The following LPAR5 variants were observed in gnomAD, a reference collection of about 807,000 sequenced individuals.
LPAR5 encodes the protein G protein-coupled receptor 92.
For synonymous variants in LPAR5, 271 were observed against 261.6 expected, an observed-to-expected ratio of 1.04 and a Z score of -0.35; for missense variants, 544 against 521.8, an observed-to-expected ratio of 1.04 and a Z score of -0.41.
At chr12:6,628,046 G>C in intron 1 of LPAR5, among the ~76,000 whole-genome samples, 1 of 26,222 alleles carries the variant, frequency 3.8e-5, no homozygotes. Context: ...TTTTGAGACA[G>C]AGTCTTGCTC....
chr12:6,635,322 A>G (rs866077630), intron 1 of LPAR5, among the ~76,000 whole-genome samples: 1 of 152,176 alleles, frequency 6.6e-6, no homozygotes, highest in Non-Finnish European at 1.5e-5. Context: ...CCATAGGGAC[A>G]TCAAAGACCA....
chr12:6,627,275 GAGTGAGACTC>G (rs967783646), intron 1 of LPAR5, among the ~76,000 whole-genome samples: 32 of 151,426 alleles, frequency 2.1e-4, no homozygotes, highest in African/African-American at 7.3e-4. Context: ...TTGGGCAACA[GAGTGAGACTC>G]CGTCTAAATA....
chr12:6,624,009 G>T (rs1948914438), intron 1 of LPAR5, among the ~76,000 whole-genome samples: 1 of 152,130 alleles, frequency 6.6e-6, no homozygotes, highest in Admixed American at 6.5e-5. Flanking sequence ...CAACATCCCA[G>T]CCTTACGCAT....
intron 1 of LPAR5, among the ~76,000 whole-genome samples, chr12:6,622,599 AAATT>A (rs1193489248): frequency 4.0e-5 from 6 of 149,854 alleles, no homozygotes; most frequent in Non-Finnish European, 8.9e-5. Flanking sequence ...AAAAAAAAAA[AAATT>A]AGCCGGGCGT....
intron 1 of LPAR5, among the ~76,000 whole-genome samples, chr12:6,630,092 C>T (rs539297512): frequency 9.9e-5 from 15 of 152,056 alleles, no homozygotes; most frequent in South Asian, 2.1e-4. Flanking sequence ...TGGCGATGCT[C>T]TCTTGTTACT....
At chr12:6,627,591 CA>C (rs1200047589) in intron 1 of LPAR5, among the ~76,000 whole-genome samples, 1 of 152,100 alleles carries the variant, frequency 6.6e-6, no homozygotes, top group African/African-American at 2.4e-5. Context: ...AACTCCATCT[CA>C]AAAAAATAAA....
Position 6,619,494 on chromosome 12 carries a change from A to T in LPAR5, c.*636T>A. The stretch of plus-strand genomic sequence containing the variant: ...TAACCTAAAAAGGGTTTGGACTTGG[A>T]TGTTGTTGAGGGGGAAACTCTAAGT... On this transcript the variant is annotated 3_prime_UTR_variant, in exon 2 of 2. Coordinates refer to ENST00000329858, the MANE Select transcript of LPAR5 (RefSeq NM_020400.6). 6.2e-6 allele frequency: 1 copy of T among 160,506 alleles called. No homozygotes were observed. Among genetic ancestry groups the T allele is most frequent in the Non-Finnish European group, 1.4e-5 (1 of 72,690 alleles). The allele number at this position is 160,506 out of a possible 1,614,324, so 9.9% of individuals were successfully genotyped here.
intron 1 of LPAR5, among the ~76,000 whole-genome samples, chr12:6,626,914 T>C (rs1163830810): frequency 6.6e-6 from 1 of 152,322 alleles, no homozygotes; most frequent in South Asian, 2.1e-4. Flanking sequence ...CCCCTCCCAT[T>C]AGACTGTGAA....
chr12:6,631,258 CAT>C (rs1448150977), intron 1 of LPAR5, among the ~76,000 whole-genome samples: 2 of 152,186 alleles, frequency 1.3e-5, no homozygotes, highest in Non-Finnish European at 2.9e-5. Flanking sequence ...CCCCTAGTAA[CAT>C]AGAACTCAGT....
In LPAR5 at chr12:6,619,757, C is replaced by G. The variant is rs1948870848; in HGVS notation, c.*373G>C. The stretch of plus-strand genomic sequence containing the variant: ...ACCAAACCTGGTGCTCTTCAGCTCT[C>G]AGGCCCCTGTGGCGGTTTAGATCCA... On this transcript the variant is annotated 3_prime_UTR_variant, in exon 2 of 2. Transcript: ENST00000329858. 2 of 386,116 alleles carry G rather than the reference C, an allele frequency of 5.2e-6. No individual in the cohort carries two copies. Among genetic ancestry groups the G allele is most frequent in the Non-Finnish European group, 1.0e-5 (2 of 199,164 alleles). The allele number at this position is 386,116 out of a possible 1,614,324, so 23.9% of individuals were successfully genotyped here. A position where few individuals can be genotyped will look rare whatever the true frequency, so the allele number is the denominator to read the frequency against.
intron 1 of LPAR5, among the ~76,000 whole-genome samples, chr12:6,625,577 G>C (rs867182844): frequency 1.3e-5 from 2 of 150,942 alleles, no homozygotes; most frequent in African/African-American, 4.9e-5. Context: ...AAAAAATTTA[G>C]CTGAGCGTGG....
At chr12:6,624,747 A>G (rs1382505353) in intron 1 of LPAR5, among the ~76,000 whole-genome samples, 1 of 152,060 alleles carries the variant, frequency 6.6e-6, no homozygotes, top group Non-Finnish European at 1.5e-5. Flanking sequence ...CAGCCTCCCA[A>G]GTAGCTGGGA....
Position 6,620,307 on chromosome 12 carries a change from C to T in LPAR5, c.942G>A (p.Pro314=). 1 of 1,606,586 alleles carries T rather than the reference C, an allele frequency of 6.2e-7. No individual in the cohort carries two copies. Among genetic ancestry groups the T allele is most frequent in the Non-Finnish European group, 8.5e-7 (1 of 1,176,644 alleles). The change falls in exon 2 of 2, where the codon CCG becomes CCA. Residue 314 remains proline (P), a synonymous_variant. Coordinates refer to ENST00000329858, the MANE Select transcript of LPAR5 (RefSeq NM_020400.6). This position sits in a 1 kb window ranked among gnomAD's most constrained non-coding sequence, Gnocchi z 6.8. The part of the protein sequence containing the change: ...FRNTLRGLGT[P]HRARTSATNG... ...TGGTGGCCGAGGTCCTGGCCCGGTG[C>T]GGAGTGCCCAGGCCGCGCAGGGTGT...
chr12:6,633,902 T>A (rs1258029427), intron 1 of LPAR5, among the ~76,000 whole-genome samples: 1 of 152,184 alleles, frequency 6.6e-6, no homozygotes, highest in Non-Finnish European at 1.5e-5. Flanking sequence ...AGTTTCTGTC[T>A]CACCTCAATC....
At chr12:6,632,909 C>G (rs368859480) in intron 1 of LPAR5, among the ~76,000 whole-genome samples, 1 of 152,114 alleles carries the variant, frequency 6.6e-6, no homozygotes, top group Non-Finnish European at 1.5e-5. Context: ...GTCGTGTCTT[C>G]CCTCCTCCCT....
chr12:6,619,581 T>A lies in LPAR5; in HGVS notation c.*549A>T, dbSNP rs552624705. 1.0e-5 allele frequency: 2 copies of A among 193,846 alleles called. No homozygotes were observed. Among genetic ancestry groups the A allele is most frequent in the Admixed American group, 1.1e-4 (2 of 18,300 alleles). The allele number at this position is 193,846 out of a possible 1,614,324, so 12.0% of individuals were successfully genotyped here. A position where few individuals can be genotyped will look rare whatever the true frequency, so the allele number is the denominator to read the frequency against. ...CCAAGTCTAAATTGTCACAAGTCAC[T>A]ATGCGAGAAAGAATGTAGTTCTGTC... On this transcript the variant is annotated 3_prime_UTR_variant, in exon 2 of 2. Transcript: ENST00000329858.
At chr12:6,631,969 GT>G (rs577440480) in intron 1 of LPAR5, among the ~76,000 whole-genome samples, 12 of 150,738 alleles carry the variant, frequency 8.0e-5, no homozygotes, top group African/African-American at 2.4e-4. Context: ...CTTTCTTTCC[GT>G]TTTTTTTTCT....
chr12:6,619,643 G>C lies in LPAR5; in HGVS notation c.*487C>G, dbSNP rs1196631240. The C allele has an allele frequency of 1.2e-5, 4 of 322,700 alleles. No individual in the cohort carries two copies. Among genetic ancestry groups the C allele is most frequent in the Admixed American group, 4.0e-5 (1 of 25,108 alleles). The allele number at this position is 322,700 out of a possible 1,614,324, so 20.0% of individuals were successfully genotyped here. A position where few individuals can be genotyped will look rare whatever the true frequency, so the allele number is the denominator to read the frequency against. Reference sequence around the variant, plus strand: ...TTGTATTAGGCCTCAGTGGTGAGCAGGGGAAGCCTAGGCCGAAATGAAAGG... The same window carrying C: ...TTGTATTAGGCCTCAGTGGTGAGCACGGGAAGCCTAGGCCGAAATGAAAGG... On this transcript the variant is annotated 3_prime_UTR_variant, in exon 2 of 2. Coordinates refer to ENST00000329858, the MANE Select transcript of LPAR5 (RefSeq NM_020400.6).
At position 6,620,444 on chromosome 12, in the gene LPAR5, C is replaced by T. The variant is rs906104095; in HGVS notation, c.805G>A (p.Val269Met). ...CCGCGCACGCGATCGCGGGCAGGCA[C>T]GCTGGCCGCCACCAGCTTGCTCCGC... Reference protein sequence around the residue: ...LLRSKLVAASVPARDRVRGVL... With the variant: ...LLRSKLVAASMPARDRVRGVL... Residue 269 changes from valine (V) to methionine (M), a missense_variant, in exon 2 of 2, where the codon GTG becomes ATG. Physicochemically the swap from Val to Met is conservative, Grantham distance 21 (BLOSUM62 1). Transcript: ENST00000329858. The surrounding 1 kb of genome is among the most constrained non-coding windows in gnomAD (Gnocchi z 6.8). 2.0e-5 allele frequency: 32 copies of T among 1,596,816 alleles called. No homozygotes were observed. Among genetic ancestry groups the T allele is most frequent in the Non-Finnish European group, 2.6e-5 (31 of 1,172,346 alleles).
Sources: gnomAD v4.1 joint callset for allele counts (sites outside exome capture counted in the v4.1 genomes callset) on GRCh38, gnomAD v4.1.1 for gene constraint, Gnocchi (gnomAD v3.1) non-coding constraint, MANE v1.5 for transcripts, NCBI Gene and HGNC (gene_info 2026-07-23, HGNC 2026-07-21) for gene names.